Variants in OXR1 observed in about 807,000 individuals in gnomAD.
OXR1 encodes oxidation resistance protein 1.
Under a neutral mutation model 104.6 loss-of-function variants are expected in OXR1, and 41 were observed. The ratio of observed to expected loss-of-function variants is 0.39; its 90% CI spans 0.31 to 0.51. The LOEUF (loss-of-function observed/expected upper bound fraction) is 0.51, where lower values mean the gene tolerates loss of function less well. OXR1 is among the 20% of genes least tolerant of loss of function. OXR1 has a pLI of 0.77. For missense variants in OXR1, 955 were observed against 1,031.9 expected (o/e 0.93, Z 1.02); for synonymous variants, 348 against 348.4 (o/e 1.00, Z 0.01).
At chr8:106,395,238 C>A (rs1377889316) in intron 2 of OXR1, among the ~76,000 whole-genome samples, 3 of 152,072 alleles carry the variant, frequency 2.0e-5, no homozygotes, top group East Asian at 3.9e-4. Context: ...GCAAAGGGGG[C>A]AGTCTAGAAT....
intron 2 of OXR1, among the ~76,000 whole-genome samples, chr8:106,492,457 C>A (rs1351929415): frequency 1.3e-5 from 2 of 152,150 alleles, no homozygotes; most frequent in Admixed American, 6.6e-5. Context: ...TCAGTGTGTT[C>A]ACTATATCAG....
chr8:106,472,782 G>C (rs1821586730), intron 2 of OXR1, among the ~76,000 whole-genome samples: 1 of 151,702 alleles, frequency 6.6e-6, no homozygotes, highest in Non-Finnish European at 1.5e-5. Context: ...CTATTTCTCA[G>C]GAATTTCTCT....
In OXR1 at chr8:106,347,134, A is replaced by G. The variant is rs1437307627; in HGVS notation, c.-138-12342A>G. Among the ~76,000 whole-genome samples, 3 of 152,268 alleles carry G rather than the reference A, an allele frequency of 2.0e-5. No homozygotes were observed. In the South Asian group the frequency reaches 6.2e-4, roughly 31 times the overall value. ...TGGAGTGAAAGCCAAAGGCTTTTAG[A>G]GAATAGGCAATTCTTCTCTAGGCTC... is the stretch of plus-strand genomic sequence containing the variant. On this transcript the variant is annotated intron_variant, in intron 1 of 16. Coordinates refer to ENST00000517566, the MANE Select transcript of OXR1 (RefSeq NM_001198533.2).
At chr8:106,525,030 G>A (rs1262158936) in intron 3 of OXR1, among the ~76,000 whole-genome samples, 1 of 152,166 alleles carries the variant, frequency 6.6e-6, no homozygotes, top group Non-Finnish European at 1.5e-5. Context: ...TTAGGAGGAG[G>A]GAATGGTGCC....
intron 1 of OXR1, among the ~76,000 whole-genome samples, chr8:106,330,845 C>A (rs1433766955): frequency 2.0e-5 from 3 of 152,162 alleles, no homozygotes; most frequent in East Asian, 3.8e-4. Flanking sequence ...ACATTAGAAG[C>A]ATTTCTCCTA....
intron 1 of OXR1, among the ~76,000 whole-genome samples, chr8:106,325,380 T>C (rs1375360202): frequency 6.6e-6 from 1 of 152,220 alleles, no homozygotes; most frequent in Non-Finnish European, 1.5e-5. Context: ...TGCTAGTCAT[T>C]GGAGAAAATA....
intron 3 of OXR1, among the ~76,000 whole-genome samples, chr8:106,548,160 T>C (rs1365049773): frequency 1.3e-5 from 2 of 152,230 alleles, no homozygotes; most frequent in Non-Finnish European, 2.9e-5. Flanking sequence ...TTTTTAATAA[T>C]AGTCATCCTA....
chr8:106,569,033 G>A (rs907828764), intron 3 of OXR1, among the ~76,000 whole-genome samples: 5 of 152,080 alleles, frequency 3.3e-5, no homozygotes, highest in East Asian at 1.9e-4. Context: ...CACAGGGTAC[G>A]TACTGGATAC....
rs556950081 is a variant in OXR1, at chr8:106,688,772, G to A, written c.526-3956G>A. Among the ~76,000 whole-genome samples the A allele has an allele frequency of 1.2e-3, 177 of 152,204 alleles. 3 individuals carry two copies. The South Asian group carries it at 0.035, about 30-fold the overall frequency. On this transcript the variant is annotated intron_variant, in intron 6 of 16. Transcript: ENST00000517566. ...AGAGAAGAATGATGGTTAGTAAGTG[G>A]TAGAACTGAGACTGAAAACCTGGCA...
chr8:106,626,044 T>G (rs1274125002), intron 3 of OXR1, among the ~76,000 whole-genome samples: 1 of 148,418 alleles, frequency 6.7e-6, no homozygotes, highest in East Asian at 2.0e-4. Context: ...GTTCTGCGTT[T>G]TGTGTGTGTG....
chr8:106,576,284 T>C (rs1026882046), intron 3 of OXR1, among the ~76,000 whole-genome samples: 1 of 151,932 alleles, frequency 6.6e-6, no homozygotes, highest in Middle Eastern at 3.4e-3. Context: ...AGTAAGATTA[T>C]TTTCTGTATC....
At chr8:106,285,712 A>T (rs756456386) in intron 1 of OXR1, among the ~76,000 whole-genome samples, 1 of 152,044 alleles carries the variant, frequency 6.6e-6, no homozygotes, top group Non-Finnish European at 1.5e-5. Flanking sequence ...TTAAACAAGG[A>T]TATTCAGAGG....
chr8:106,744,987 A>G (rs1477294740), intron 15 of OXR1, among the ~76,000 whole-genome samples: 2 of 152,200 alleles, frequency 1.3e-5, no homozygotes, highest in African/African-American at 4.8e-5. Flanking sequence ...TAGTTATTAC[A>G]GATTTTCTAA....
At position 106,593,985 on chromosome 8, in the gene OXR1, G is replaced by A. The variant is rs183952084; in HGVS notation, c.220+74846G>A. Among the ~76,000 whole-genome samples the A allele has an allele frequency of 7.2e-5, 11 of 152,312 alleles. No homozygotes were observed. In the East Asian group the frequency reaches 9.6e-4, roughly 13 times the overall value. ...TTGTGTAAAAAGAGGGAAACAAAGC[G>A]TAGATGACAGATTTAAGGTACGTCA... On this transcript the variant is annotated intron_variant, in intron 3 of 16. Coordinates refer to ENST00000517566, the MANE Select transcript of OXR1 (RefSeq NM_001198533.2).
chr8:106,308,910 T>C (rs1813576545), intron 1 of OXR1, among the ~76,000 whole-genome samples: 1 of 152,218 alleles, frequency 6.6e-6, no homozygotes, highest in African/African-American at 2.4e-5. Context: ...ACACAATATG[T>C]GACTTAATTT....
chr8:106,490,589 C>T (rs906573288), intron 2 of OXR1, among the ~76,000 whole-genome samples: 9 of 152,106 alleles, frequency 5.9e-5, no homozygotes, highest in African/African-American at 2.2e-4. Flanking sequence ...TGATCTCGAA[C>T]CCCCAATCTC....
In OXR1 at chr8:106,434,134, T is replaced by G. The variant is rs567881659; in HGVS notation, c.23+74498T>G. ...TGATAAAATACCCTAATTATGAATA[T>G]TTTCTCCTAAAAAAAACTAGAAAAT... On this transcript the variant is annotated intron_variant, in intron 2 of 16. Transcript: ENST00000517566. Among the ~76,000 whole-genome samples, 510 of 102,676 alleles carry G rather than the reference T, an allele frequency of 5.0e-3. 2 individuals are homozygous for G. The highest frequency in any genetic ancestry group is 0.04 in the African/African-American group (469 of 11,700). The allele number at this position is 102,676 out of a possible 152,430, so 67.4% of individuals were successfully genotyped here. A position where few individuals can be genotyped will look rare whatever the true frequency, so the allele number is the denominator to read the frequency against.
chr8:106,311,884 A>G (rs955461255), intron 1 of OXR1, among the ~76,000 whole-genome samples: 3 of 151,962 alleles, frequency 2.0e-5, no homozygotes, highest in African/African-American at 4.8e-5. Context: ...ACTTTCCGGC[A>G]TTTATAATTT....
At chr8:106,319,593 C>T (rs964673298) in intron 1 of OXR1, among the ~76,000 whole-genome samples, 1 of 152,138 alleles carries the variant, frequency 6.6e-6, no homozygotes, top group Non-Finnish European at 1.5e-5. Flanking sequence ...TTTGCAGAAG[C>T]CTGTTCTTCT....
Sources: gnomAD v4.1 joint callset for allele counts (sites outside exome capture counted in the v4.1 genomes callset) on GRCh38, gnomAD v4.1.1 for gene constraint, MANE v1.5 for transcripts, NCBI Gene and HGNC (gene_info 2026-07-23, HGNC 2026-07-21) for gene names.